The following IL5RA variants were observed in gnomAD, a reference collection of about 807,000 sequenced individuals.
The protein encoded by IL5RA is interleukin 5 receptor subunit alpha, also known as interleukin-5 receptor subunit alpha.
A neutral mutation model predicts 50.0 loss-of-function variants in IL5RA; 49 were observed. The observed-to-expected ratio is 0.98, with a 90% CI of 0.78 to 1.24. The LOEUF is 1.24. IL5RA is among the 50% of genes most tolerant of loss of function. The probability of loss-of-function intolerance (pLI) is 0.00; values close to 1 mark genes in which losing one functional copy is unlikely to be tolerated. For missense variants in IL5RA, 600 were observed against 500.4 expected (o/e 1.20, Z -1.90); for synonymous variants, 202 against 174.0 (o/e 1.16, Z -1.26).
At chr3:3,099,740 G>T (rs1703552131) in intron 5 of IL5RA, among the ~76,000 whole-genome samples, 1 of 151,464 alleles carries the variant, frequency 6.6e-6, no homozygotes, top group Non-Finnish European at 1.5e-5. Flanking sequence ...CATGATCTCA[G>T]CTCACTGCAA....
chr3:3,096,251 C>G (rs1418087814), intron 7 of IL5RA, among the ~76,000 whole-genome samples: 1 of 148,516 alleles, frequency 6.7e-6, no homozygotes, highest in Non-Finnish European at 1.5e-5. Flanking sequence ...GCACTCCAAC[C>G]TGGGTGACAG....
intron 3 of IL5RA, 123 bp downstream of exon 3, chr3:3,104,780 A>G (rs544309784): frequency 2.5e-5 from 14 of 553,218 alleles, no homozygotes; most frequent in Non-Finnish European, 4.5e-5. Context: ...GATGGGGATA[A>G]ATATTGTCTC....
In IL5RA at chr3:3,092,060, G is replaced by T; in HGVS notation, c.994+164C>A. ...CACTTAAAAACTTCACTGGCTTCAT[G>T]GCAAATCTATTCCTGATTGAAAAGG... On this transcript the variant is annotated intron_variant, in intron 9 of 11. Transcript: ENST00000446632. This position sits in a 1 kb window ranked among gnomAD's most constrained non-coding sequence, Gnocchi z 4.2. The T allele has an allele frequency of 7.2e-7, 1 of 1,385,550 alleles. No homozygotes were observed. Among genetic ancestry groups the T allele is most frequent in the South Asian group, 1.8e-5 (1 of 54,528 alleles). The allele number at this position is 1,385,550 out of a possible 1,614,324, so 85.8% of individuals were successfully genotyped here.
chr3:3,077,997 A>C (rs962904704), intron 9 of IL5RA, among the ~76,000 whole-genome samples: 5 of 152,150 alleles, frequency 3.3e-5, no homozygotes, highest in African/African-American at 1.2e-4. Flanking sequence ...GGAACTGTAC[A>C]AATTACTGGG....
chr3:3,095,029 C>A (rs1022449748), intron 8 of IL5RA, among the ~76,000 whole-genome samples: 12 of 152,102 alleles, frequency 7.9e-5, no homozygotes, highest in African/African-American at 2.9e-4. Flanking sequence ...ACCCGTCTAT[C>A]ATTTTAGATT....
Position 3,066,554 on chromosome 3 carries a change from AC to A in IL5RA, c.*3670del, listed in dbSNP as rs1174179461. ...AAGTCCTATTCTAATTAGGTTTTTCACCTTTACTTGTGCCATCAGAGATTGT... is the reference window on the plus strand; with the variant it reads ...AAGTCCTATTCTAATTAGGTTTTTCACTTTACTTGTGCCATCAGAGATTGT... On this transcript the variant is annotated 3_prime_UTR_variant, in exon 12 of 12. Transcript: ENST00000446632. The A allele has an allele frequency of 2.0e-5, 3 of 152,154 alleles. No homozygotes were observed. Among genetic ancestry groups the A allele is most frequent in the African/African-American group, 7.2e-5 (3 of 41,424 alleles). The allele number at this position is 152,154 out of a possible 1,614,324, so 9.4% of individuals were successfully genotyped here.
At chr3:3,084,699 C>G (rs569677919) in intron 9 of IL5RA, among the ~76,000 whole-genome samples, 1 of 152,214 alleles carries the variant, frequency 6.6e-6, no homozygotes, top group East Asian at 1.9e-4. Context: ...CGAAAAGAAC[C>G]CAGGTGTGGA....
intron 9 of IL5RA, among the ~76,000 whole-genome samples, chr3:3,082,517 G>C (rs900108166): frequency 1.3e-5 from 2 of 152,212 alleles, no homozygotes; most frequent in South Asian, 4.1e-4. Context: ...TAAAGCATTT[G>C]GGAAATTCAG....
intron 9 of IL5RA, 128 bp from the exon 10 acceptor site, chr3:3,076,755 C>CTT (rs1702500176): frequency 1.8e-6 from 1 of 568,986 alleles, no homozygotes; most frequent in Admixed American, 3.5e-5. Context: ...TGGTGTTGGG[C>CTT]AAGTAGCTTA....
intron 7 of IL5RA, among the ~76,000 whole-genome samples, chr3:3,096,515 A>G (rs1052039583): frequency 3.3e-5 from 5 of 152,160 alleles, no homozygotes; most frequent in African/African-American, 1.2e-4. Flanking sequence ...CCTATACCCT[A>G]TGAAGAAAAT....
In IL5RA at chr3:3,092,424, T is replaced by A. The variant is rs1703166880; in HGVS notation, c.856-62A>T. ...ACACCTAATTTAGTTCTGCCGATTA[T>A]CAGAATGGGAGGTCCTATATAGGTC... On this transcript the variant is annotated intron_variant, in intron 8 of 11. Transcript: ENST00000446632. The surrounding 1 kb of genome is among the most constrained non-coding windows in gnomAD (Gnocchi z 4.2). The A allele has an allele frequency of 6.6e-7, 1 of 1,509,830 alleles. No individual in the cohort carries two copies. Among genetic ancestry groups the A allele is most frequent in the Non-Finnish European group, 9.1e-7 (1 of 1,099,832 alleles). 93.5% of individuals were successfully genotyped at this position (1,509,830 alleles called of 1,614,324 possible). A position where few individuals can be genotyped will look rare whatever the true frequency, so the allele number is the denominator to read the frequency against.
chr3:3,109,034 G>A (rs1317006302), intron 1 of IL5RA, among the ~76,000 whole-genome samples: 4 of 152,110 alleles, frequency 2.6e-5, no homozygotes, highest in African/African-American at 7.2e-5. Context: ...ATTAAAGCAA[G>A]TACTAAGTAC....
chr3:3,090,493 A>T (rs1307085346), intron 9 of IL5RA, among the ~76,000 whole-genome samples: 1 of 148,534 alleles, frequency 6.7e-6, no homozygotes, highest in Non-Finnish European at 1.5e-5. Context: ...TACAATGCCT[A>T]TGTTGACTTG....
chr3:3,096,492 G>C (rs1389345767), intron 7 of IL5RA, among the ~76,000 whole-genome samples: 4 of 151,998 alleles, frequency 2.6e-5, no homozygotes, highest in Admixed American at 2.0e-4. Context: ...GGGATCCACT[G>C]GCTTCAGAGC....
At chr3:3,107,137 G>A (rs1224774768) in intron 2 of IL5RA, among the ~76,000 whole-genome samples, 1 of 151,972 alleles carries the variant, frequency 6.6e-6, no homozygotes, top group Non-Finnish European at 1.5e-5. Flanking sequence ...TAAATAGACA[G>A]CTTTTTCATG....
intron 8 of IL5RA, among the ~76,000 whole-genome samples, chr3:3,094,515 G>A (rs184146476): frequency 2.0e-5 from 3 of 152,156 alleles, no homozygotes; most frequent in Admixed American, 1.3e-4. Context: ...CATTTAATGG[G>A]CACTTGGGTT....
intron 9 of IL5RA, among the ~76,000 whole-genome samples, chr3:3,083,979 G>A (rs1039776158): frequency 6.6e-6 from 1 of 151,644 alleles, no homozygotes; most frequent in African/African-American, 2.4e-5. Context: ...CCCATGGGAG[G>A]TGGAGGGTGC....
intron 5 of IL5RA, among the ~76,000 whole-genome samples, chr3:3,098,580 G>A (rs760709812): frequency 6.6e-6 from 1 of 152,012 alleles, no homozygotes; most frequent in Non-Finnish European, 1.5e-5. Context: ...GCTAATTTTT[G>A]TATTTTCAGT....
rs1703835625 is a variant in IL5RA, at chr3:3,104,927, C to T, written c.58G>A (p.Ala20Thr). The T allele has an allele frequency of 6.2e-7, 1 of 1,611,702 alleles. No individual in the cohort carries two copies. Among genetic ancestry groups the T allele is most frequent in the Non-Finnish European group, 8.5e-7 (1 of 1,178,014 alleles). The change falls in exon 3 of 12, where the codon GCT becomes ACT. Residue 20 changes from alanine (A) to threonine (T), a missense_variant. By Grantham distance (58) the Ala-to-Thr change is moderately conservative. Transcript: ENST00000446632. Reference sequence around the variant, plus strand: ...CTCTTTTCATCAGGAAGTAAGTCAGCTTGCAGTATCTCAGTGGCCCCCAAA... The same window carrying T: ...CTCTTTTCATCAGGAAGTAAGTCAGTTTGCAGTATCTCAGTGGCCCCCAAA... Reference protein sequence around the residue: ...ILLGATEILQADLLPDEKISL... With the variant: ...ILLGATEILQTDLLPDEKISL...
Sources: allele counts gnomAD v4.1 joint callset (sites outside exome capture counted in the v4.1 genomes callset), GRCh38; gene constraint gnomAD v4.1.1; non-coding constraint Gnocchi (gnomAD v3.1); transcripts MANE v1.5; gene names NCBI Gene and HGNC (gene_info 2026-07-23, HGNC 2026-07-21).